ERC2: variants seen among roughly 807,000 people sequenced by gnomAD.
ERC2 encodes ERC protein 2.
In ERC2, 42 loss-of-function variants were observed where a neutral mutation model predicts 114.8. That is an observed-to-expected ratio of 0.37 (90% CI 0.29 to 0.47). The LOEUF (loss-of-function observed/expected upper bound fraction) is 0.47. Ranked by LOEUF, ERC2 falls within the 20% of genes least tolerant of loss-of-function variation. The pLI, the probability that ERC2 is intolerant of heterozygous loss-of-function variation, is 0.99. For synonymous variants in ERC2, 454 were observed against 425.5 expected (o/e 1.07, Z -0.82); for missense variants, 939 against 1,150.7 (o/e 0.82, Z 2.66).
At chr3:55,932,967 C>T (rs72879193) in intron 13 of ERC2, among the ~76,000 whole-genome samples, 1,996 of 152,258 alleles carry the variant, frequency 0.013, 50 homozygotes, top group African/African-American at 0.045. Flanking sequence ...GCAACACTTT[C>T]GGAGGCCAAG....
intron 1 of ERC2, among the ~76,000 whole-genome samples, chr3:56,442,358 C>T (rs1459122757): frequency 1.3e-5 from 2 of 152,064 alleles, no homozygotes; most frequent in Non-Finnish European, 2.9e-5. Context: ...GCAGCTGGAC[C>T]ACAAGCGCAC....
chr3:56,305,285 C>CA (rs200508813), intron 2 of ERC2, among the ~76,000 whole-genome samples: 1 of 151,532 alleles, frequency 6.6e-6, no homozygotes, highest in Non-Finnish European at 1.5e-5. Context: ...ATTAAAATGA[C>CA]AAAAAATTAT....
intron 2 of ERC2, among the ~76,000 whole-genome samples, chr3:56,427,596 A>G (rs993420762): frequency 3.0e-4 from 45 of 152,336 alleles, no homozygotes; most frequent in African/African-American, 8.9e-4. Flanking sequence ...TGAAGTCATT[A>G]GGGTAGACTC....
At chr3:56,086,464 T>G (rs992201500) in intron 6 of ERC2, among the ~76,000 whole-genome samples, 1 of 152,044 alleles carries the variant, frequency 6.6e-6, no homozygotes, top group African/African-American at 2.4e-5. Flanking sequence ...CTTTAAAGTT[T>G]TGCACTAGAA....
chr3:56,045,683 G>A (rs1251150948), intron 7 of ERC2, among the ~76,000 whole-genome samples: 1 of 152,124 alleles, frequency 6.6e-6, no homozygotes, highest in East Asian at 1.9e-4. Flanking sequence ...GAAATTAAGA[G>A]TTTCCATGAG....
At chr3:56,345,469 C>G (rs1000104523) in intron 2 of ERC2, among the ~76,000 whole-genome samples, 2 of 152,060 alleles carry the variant, frequency 1.3e-5, no homozygotes, top group African/African-American at 2.4e-5. Flanking sequence ...GTTCCTGGGA[C>G]AACTGAGGAA....
chr3:55,865,447 C>T (rs980747430), intron 14 of ERC2, among the ~76,000 whole-genome samples: 1 of 152,118 alleles, frequency 6.6e-6, no homozygotes, highest in Non-Finnish European at 1.5e-5. Flanking sequence ...GCAGAGACCC[C>T]CTTTAATAAA....
intron 1 of ERC2, among the ~76,000 whole-genome samples, chr3:56,439,396 T>C (rs138037569): frequency 1.6e-3 from 249 of 152,286 alleles, no homozygotes; most frequent in African/African-American, 5.6e-3. Flanking sequence ...CAGTGAGCTA[T>C]AACTGCACCA....
intron 3 of ERC2, among the ~76,000 whole-genome samples, chr3:56,174,820 A>C (rs1281774923): frequency 6.6e-6 from 1 of 152,134 alleles, no homozygotes; most frequent in Non-Finnish European, 1.5e-5. Context: ...TCTACTAAAA[A>C]TACAAAAATC....
chr3:55,833,259 C>T lies in ERC2; in HGVS notation c.2564+55130G>A, dbSNP rs1299271981. 4.0e-5 allele frequency among the ~76,000 whole-genome samples: 6 copies of T among 150,234 alleles called. No homozygotes were observed. The East Asian group carries it at 9.7e-4, about 24-fold the overall frequency. ...ATTCAGATTCAGGAAATACAGAGAA[C>T]ACCACAAAGATACTCCTCGAGAAGA... On this transcript the variant is annotated intron_variant, in intron 14 of 17. Coordinates refer to ENST00000288221, the MANE Select transcript of ERC2 (RefSeq NM_015576.3).
intron 14 of ERC2, among the ~76,000 whole-genome samples, chr3:55,747,721 C>T (rs934017874): frequency 1.3e-5 from 2 of 152,180 alleles, no homozygotes; most frequent in Non-Finnish European, 2.9e-5. Flanking sequence ...TGCATCACAG[C>T]CTTCAAATGA....
intron 1 of ERC2, among the ~76,000 whole-genome samples, chr3:56,456,276 T>G (rs1361953997): frequency 6.6e-6 from 1 of 152,240 alleles, no homozygotes; most frequent in African/African-American, 2.4e-5. Context: ...CACAGAGATT[T>G]TATCACAATA....
intron 7 of ERC2, among the ~76,000 whole-genome samples, chr3:56,045,408 T>C (rs1156514775): frequency 1.3e-5 from 2 of 152,164 alleles, no homozygotes; most frequent in African/African-American, 2.4e-5. Context: ...CAGTGTGTTC[T>C]ACCTACATGG....
chr3:56,023,241 ATGCAACTCTAAC>A (rs1356201739), intron 7 of ERC2, among the ~76,000 whole-genome samples: 5 of 152,002 alleles, frequency 3.3e-5, no homozygotes, highest in Non-Finnish European at 7.4e-5. Context: ...CCTTCCCAAA[ATGCAACTCTAAC>A]TGCATGACTT....
chr3:55,859,499 C>CCTGG (rs2061934710), intron 14 of ERC2, among the ~76,000 whole-genome samples: 1 of 152,020 alleles, frequency 6.6e-6, no homozygotes, highest in South Asian at 2.1e-4. Flanking sequence ...TACCAGCCAG[C>CCTGG]CTGGCCAGGC....
chr3:55,756,605 C>T (rs1467656568), intron 14 of ERC2, among the ~76,000 whole-genome samples: 2 of 152,186 alleles, frequency 1.3e-5, no homozygotes, highest in Non-Finnish European at 2.9e-5. Context: ...TCTAATGTGT[C>T]TCTTGTTCAT....
intron 4 of ERC2, 140 bp downstream of exon 4, chr3:56,173,305 TA>T (rs535412580): frequency 4.3e-5 from 32 of 751,392 alleles, no homozygotes; most frequent in Middle Eastern, 2.3e-4. Flanking sequence ...CCCAGGAAGG[TA>T]AAAAAAATCC....
At chr3:56,352,853 C>A (rs73835004) in intron 2 of ERC2, among the ~76,000 whole-genome samples, 3,004 of 152,268 alleles carry the variant, frequency 0.02, 101 homozygotes, top group African/African-American at 0.066. Context: ...TTACCCTACC[C>A]TCTTTGCCAC....
At chr3:56,063,501 T>C (rs993665868) in intron 7 of ERC2, among the ~76,000 whole-genome samples, 14 of 152,216 alleles carry the variant, frequency 9.2e-5, no homozygotes, top group Admixed American at 6.5e-5. Flanking sequence ...ACAGTGATGG[T>C]CAGTTTGTTC....
Sources: gnomAD v4.1 joint callset for allele counts (sites outside exome capture counted in the v4.1 genomes callset) on GRCh38, gnomAD v4.1.1 for gene constraint, MANE v1.5 for transcripts, NCBI Gene and HGNC (gene_info 2026-07-23, HGNC 2026-07-21) for gene names.